SESTD1: variants seen among roughly 807,000 people sequenced by gnomAD.
SESTD1 encodes SEC14 domain and spectrin repeat-containing protein 1.
Under a neutral mutation model 101.7 loss-of-function variants are expected in SESTD1, and 43 were observed. The observed-to-expected ratio is 0.42, with a 90% CI of 0.33 to 0.55. The LOEUF is 0.55. Ranked by LOEUF, SESTD1 falls within the 20% of genes least tolerant of loss-of-function variation. The probability of loss-of-function intolerance (pLI) is 0.07; values close to 1 mark genes in which losing one functional copy is unlikely to be tolerated. For missense variants in SESTD1, 647 were observed against 815.1 expected (o/e 0.79, Z 2.51); for synonymous variants, 283 against 286.8 (o/e 0.99, Z 0.13).
chr2:179,149,504 C>A (rs1002303082), intron 6 of SESTD1, 110 bp from the exon 7 acceptor site: 2 of 675,088 alleles, frequency 3.0e-6, no homozygotes, highest in Non-Finnish European at 4.6e-6. Context: ...TGTTTTCCTT[C>A]CCCAGCAGTT....
At chr2:179,222,279 C>G (rs1168287174) in intron 1 of SESTD1, among the ~76,000 whole-genome samples, 1 of 152,208 alleles carries the variant, frequency 6.6e-6, no homozygotes, top group Non-Finnish European at 1.5e-5. Flanking sequence ...GACTCCCGGC[C>G]AGCCACTTAC....
chr2:179,121,716 T>A, intron 13 of SESTD1, 54 bp downstream of exon 13: 1 of 1,442,048 alleles, frequency 6.9e-7, no homozygotes, highest in Non-Finnish European at 9.2e-7. Context: ...ATAACTTCAT[T>A]TTAACTAATA....
rs2046704966 is a variant in SESTD1 at position 179,215,288 on chromosome 2, T to TA, written c.-25-23423dup. Among the ~76,000 whole-genome samples, 2 of 133,836 alleles carry TA rather than the reference T, an allele frequency of 1.5e-5. 1 individual carries two copies. The highest frequency in any genetic ancestry group is 3.2e-5 in the Non-Finnish European group (2 of 62,408). The allele number at this position is 133,836 out of a possible 152,430, so 87.8% of individuals were successfully genotyped here. Reference sequence around the variant, plus strand: ...AGAGAGAAGAATCAAACAGATGCAATAAAAAATGATAAACGGGATATCACC... The same window carrying TA: ...AGAGAGAAGAATCAAACAGATGCAATAAAAAAATGATAAACGGGATATCACC... On this transcript the variant is annotated intron_variant, in intron 1 of 17. Coordinates refer to ENST00000428443, the MANE Select transcript of SESTD1 (RefSeq NM_178123.5).
intron 13 of SESTD1, among the ~76,000 whole-genome samples, chr2:179,118,286 T>C (rs977644470): frequency 2.0e-5 from 3 of 152,228 alleles, no homozygotes; most frequent in African/African-American, 7.2e-5. Context: ...CCTCTGGGTG[T>C]AGAGAAACAC....
chr2:179,172,126 G>C lies in SESTD1; in HGVS notation c.363C>G (p.Gly121=). The part of the protein sequence containing the change: ...FCFWKEKDRL[G]FEVILVSANK... ...AAAAAGAGATTACATTTACCTCAAA[G>C]CCAAGTCTATCCTTCTCCTTCCAAA... The change falls in exon 5 of 18, where the codon GGC becomes GGG. Residue 121 remains glycine (G), a synonymous_variant. Coordinates refer to ENST00000428443, the MANE Select transcript of SESTD1 (RefSeq NM_178123.5). The C allele has an allele frequency of 6.3e-7, 1 of 1,594,638 alleles. No individual in the cohort carries two copies. The highest frequency in any genetic ancestry group is 8.6e-7 in the Non-Finnish European group (1 of 1,164,796).
chr2:179,240,370 A>G (rs183284320), intron 1 of SESTD1, among the ~76,000 whole-genome samples: 2 of 152,266 alleles, frequency 1.3e-5, no homozygotes, highest in Admixed American at 6.5e-5. Context: ...TCCTCTCACT[A>G]AGTACAAATA....
chr2:179,149,169 C>G (rs114016928), intron 7 of SESTD1, 128 bp downstream of exon 7: 8,922 of 541,306 alleles, frequency 0.016, 103 homozygotes, highest in Admixed American at 0.039. Flanking sequence ...GAATATTGTA[C>G]GTCAATTTTG....
Position 179,202,160 on chromosome 2 carries a change from T to C in SESTD1, c.-25-10294A>G, listed in dbSNP as rs1366444813. Among the ~76,000 whole-genome samples the C allele has an allele frequency of 1.5e-5, 2 of 133,590 alleles. 1 individual carries two copies. The highest frequency in any genetic ancestry group is 3.2e-5 in the Non-Finnish European group (2 of 62,530). 87.6% of individuals were successfully genotyped at this position (133,590 alleles called of 152,430 possible). On this transcript the variant is annotated intron_variant, in intron 1 of 17. Coordinates refer to ENST00000428443, the MANE Select transcript of SESTD1 (RefSeq NM_178123.5). Reference sequence around the variant, plus strand: ...GTTAAAACAAGGTTTTCTTACGGTATTAATCTGTTCTTAATAAAACTGCAA... The same window carrying C: ...GTTAAAACAAGGTTTTCTTACGGTACTAATCTGTTCTTAATAAAACTGCAA...
Position 179,124,569 on chromosome 2 carries a change from G to C in SESTD1, c.973-11C>G. The stretch of plus-strand genomic sequence containing the variant: ...CACTGCAAACCATTCCTGTAATCAA[G>C]ATGTTACAAAGTAAACTAAGGCTCA... On this transcript the variant is annotated splice_polypyrimidine_tract_variant and intron_variant, in intron 10 of 17. Transcript: ENST00000428443. 6.2e-7 allele frequency: 1 copy of C among 1,605,290 alleles called. No individual in the cohort carries two copies. The highest frequency in any genetic ancestry group is 8.5e-7 in the Non-Finnish European group (1 of 1,173,244).
chr2:179,140,407 G>A (rs1382968773), intron 9 of SESTD1, among the ~76,000 whole-genome samples: 3 of 152,122 alleles, frequency 2.0e-5, no homozygotes, highest in South Asian at 4.1e-4. Flanking sequence ...CACATACAGA[G>A]AGAAGACAAT....
intron 5 of SESTD1, among the ~76,000 whole-genome samples, chr2:179,163,859 A>T (rs1397003805): frequency 1.6e-4 from 25 of 152,168 alleles, no homozygotes; most frequent in Admixed American, 1.2e-3. Context: ...CTTTAATCTC[A>T]AATTTTAACT....
intron 2 of SESTD1, among the ~76,000 whole-genome samples, chr2:179,185,478 T>A (rs2046199625): frequency 1.4e-5 from 2 of 141,922 alleles, no homozygotes; most frequent in Admixed American, 1.5e-4. Context: ...ATATATTACT[T>A]ATCATATATA....
At position 179,211,325 on chromosome 2, in the gene SESTD1, GAAC is replaced by G. The variant is rs2046648467; in HGVS notation, c.-25-19462_-25-19460del. Among the ~76,000 whole-genome samples, 4 of 131,306 alleles carry G rather than the reference GAAC, an allele frequency of 3.0e-5. 2 individuals are homozygous for G. The South Asian group carries it at 1.2e-3, about 38-fold the overall frequency. 86.1% of individuals were successfully genotyped at this position (131,306 alleles called of 152,430 possible). ...GAAAAAAAATCCTAAAATTCATATG[GAAC>G]AACAAAAAAAAGAGCCTGCATAGCC... is the stretch of plus-strand genomic sequence containing the variant. On this transcript the variant is annotated intron_variant, in intron 1 of 17. Coordinates refer to ENST00000428443, the MANE Select transcript of SESTD1 (RefSeq NM_178123.5).
chr2:179,154,351 G>A (rs1180531059), intron 5 of SESTD1, among the ~76,000 whole-genome samples: 1 of 151,870 alleles, frequency 6.6e-6, no homozygotes. Flanking sequence ...AGAGAAACAA[G>A]CATTTATTTC....
At chr2:179,252,604 C>T (rs900768587) in intron 1 of SESTD1, among the ~76,000 whole-genome samples, 3 of 152,160 alleles carry the variant, frequency 2.0e-5, no homozygotes, top group Admixed American at 1.3e-4. Flanking sequence ...TTTTTAAATG[C>T]TTGTCTTGCA....
chr2:179,181,368 T>C (rs879918720), intron 3 of SESTD1, among the ~76,000 whole-genome samples: 13 of 152,180 alleles, frequency 8.5e-5, no homozygotes, highest in Admixed American at 8.5e-4. Flanking sequence ...GCCAACTATG[T>C]CTTCTGGAAT....
intron 1 of SESTD1, among the ~76,000 whole-genome samples, chr2:179,226,605 C>T (rs530625851): frequency 2.0e-5 from 3 of 152,268 alleles, no homozygotes. Flanking sequence ...GGCAGATCTC[C>T]AGGTTAATAA....
At chr2:179,124,171 T>C (rs540728183) in intron 11 of SESTD1, among the ~76,000 whole-genome samples, 193 bp downstream of exon 11, 7 of 152,240 alleles carry the variant, frequency 4.6e-5, no homozygotes, top group East Asian at 3.9e-4. Context: ...AAAGGTTGAA[T>C]TGCATGCAGA....
chr2:179,229,712 C>T (rs1433220490), intron 1 of SESTD1, among the ~76,000 whole-genome samples: 1 of 138,484 alleles, frequency 7.2e-6, no homozygotes, highest in African/African-American at 2.6e-5. Flanking sequence ...CTGTAAGGTT[C>T]TTATATACAT....
Sources: allele counts gnomAD v4.1 joint callset (sites outside exome capture counted in the v4.1 genomes callset), GRCh38; gene constraint gnomAD v4.1.1; transcripts MANE v1.5; gene names NCBI Gene and HGNC (gene_info 2026-07-23, HGNC 2026-07-21).